The following SLCO3A1 variants were observed in gnomAD, a reference collection of about 807,000 sequenced individuals.
The protein encoded by SLCO3A1 is PGE1 transporter.
A neutral mutation model predicts 63.1 loss-of-function variants in SLCO3A1; 27 were observed. That is an observed-to-expected ratio of 0.43 (90% CI 0.32 to 0.59). SLCO3A1 has a LOEUF of 0.59. SLCO3A1 is among the 20% of genes least tolerant of loss of function. SLCO3A1 has a pLI of 0.09. For synonymous variants in SLCO3A1, 473 were observed against 409.9 expected (o/e 1.15, Z -1.86); for missense variants, 773 against 945.8 (o/e 0.82, Z 2.40).
At position 91,900,814 on chromosome 15, in the gene SLCO3A1, G is replaced by A. The variant is rs1223359214; in HGVS notation, c.181-15179G>A. On this transcript the variant is annotated intron_variant, in intron 1 of 9. Coordinates refer to ENST00000318445, the MANE Select transcript of SLCO3A1 (RefSeq NM_013272.4). This position sits in a 1 kb window ranked among gnomAD's most constrained non-coding sequence, Gnocchi z 4.3. ...TTGCCTATTTTAAATTGAGTTGTTTGTCATTTTACTGTTGATTTGTAAGGT... is the reference window on the plus strand; with the variant it reads ...TTGCCTATTTTAAATTGAGTTGTTTATCATTTTACTGTTGATTTGTAAGGT... Among the ~76,000 whole-genome samples, 1 of 152,132 alleles carries A rather than the reference G, an allele frequency of 6.6e-6. No homozygotes were observed. Among genetic ancestry groups the A allele is most frequent in the African/African-American group, 2.4e-5 (1 of 41,432 alleles).
At chr15:91,980,217 C>T (rs910984460) in intron 2 of SLCO3A1, among the ~76,000 whole-genome samples, 2 of 152,056 alleles carry the variant, frequency 1.3e-5, no homozygotes, top group African/African-American at 4.8e-5. Flanking sequence ...GGAGAGGCCT[C>T]GCTGCCCCGG....
rs1056708971 is a variant in SLCO3A1, at chr15:91,865,415, A to T, written c.180+11327A>T. Among the ~76,000 whole-genome samples, 2 of 152,192 alleles carry T rather than the reference A, an allele frequency of 1.3e-5. No individual in the cohort carries two copies. The highest frequency in any genetic ancestry group is 4.8e-5 in the African/African-American group (2 of 41,446). ...TGGATGAGATGGTAGGCATTTCAGAAGGAAAAAACCAGGTCTATTCATTAA... is the reference window on the plus strand; with the variant it reads ...TGGATGAGATGGTAGGCATTTCAGATGGAAAAAACCAGGTCTATTCATTAA... On this transcript the variant is annotated intron_variant, in intron 1 of 9. Transcript: ENST00000318445. This position sits in a 1 kb window ranked among gnomAD's most constrained non-coding sequence, Gnocchi z 4.6.
intron 2 of SLCO3A1, among the ~76,000 whole-genome samples, chr15:91,972,981 C>T (rs1306084939): frequency 6.6e-6 from 1 of 152,168 alleles, no homozygotes. Context: ...ATCAGCTAAG[C>T]ATGGTGGCAT....
rs574258091 is a variant in SLCO3A1 at position 92,006,342 on chromosome 15, T to C, written c.647-88539T>C. Among the ~76,000 whole-genome samples, 16 of 152,312 alleles carry C rather than the reference T, an allele frequency of 1.1e-4. No individual in the cohort carries two copies. In the South Asian group the frequency reaches 3.3e-3, roughly 32 times the overall value. On this transcript the variant is annotated intron_variant, in intron 2 of 9. Transcript: ENST00000318445. ...AAAGATCCATGACATAAGCTACAGC[T>C]TCTATGAGCGCCAGATTGACCTTTG...
intron 4 of SLCO3A1, among the ~76,000 whole-genome samples, chr15:92,106,543 G>A (rs182923741): frequency 6.6e-6 from 1 of 152,282 alleles, no homozygotes; most frequent in East Asian, 1.9e-4. Context: ...GGCCATGGGC[G>A]ACTACAGTAT....
chr15:91,880,629 G>GT (rs140883497), intron 1 of SLCO3A1, among the ~76,000 whole-genome samples: 88 of 146,772 alleles, frequency 6.0e-4, no homozygotes, highest in African/African-American at 8.5e-4. Context: ...TTTTGAGATT[G>GT]TTTTTTTTTT....
At chr15:92,031,247 T>C (rs2046644899) in intron 2 of SLCO3A1, among the ~76,000 whole-genome samples, 1 of 151,232 alleles carries the variant, frequency 6.6e-6, no homozygotes, top group Admixed American at 6.6e-5. Flanking sequence ...CAGGAGGAGT[T>C]TTTTCAAAGA....
intron 6 of SLCO3A1, among the ~76,000 whole-genome samples, chr15:92,126,595 A>G (rs1027393249): frequency 1.3e-5 from 2 of 152,228 alleles, no homozygotes; most frequent in Non-Finnish European, 2.9e-5. Context: ...AATAAAAGAC[A>G]GAATTGATTT....
chr15:91,861,819 G>A (rs886317932), intron 1 of SLCO3A1, among the ~76,000 whole-genome samples: 1 of 151,466 alleles, frequency 6.6e-6, no homozygotes, highest in Non-Finnish European at 1.5e-5. Context: ...TGGTAGAGAT[G>A]GGGTGTGGGG....
chr15:91,931,788 A>AACAC (rs112525299), intron 2 of SLCO3A1, among the ~76,000 whole-genome samples: 10,957 of 144,118 alleles, frequency 0.076, 473 homozygotes, highest in Non-Finnish European at 0.089. Context: ...TAAGTGTGGA[A>AACAC]ACACACACAC....
chr15:91,998,831 C>T lies in SLCO3A1; in HGVS notation c.646+82373C>T, dbSNP rs568585364. On this transcript the variant is annotated intron_variant, in intron 2 of 9. Transcript: ENST00000318445. Reference sequence around the variant, plus strand: ...AAGAAATTGCTCTACTAAAAAGACACATGTACGTGTATATTCATTGTAGCA... The same window carrying T: ...AAGAAATTGCTCTACTAAAAAGACATATGTACGTGTATATTCATTGTAGCA... 4.1e-4 allele frequency among the ~76,000 whole-genome samples: 62 copies of T among 152,330 alleles called. 1 individual carries two copies. The South Asian group carries it at 8.7e-3, about 21-fold the overall frequency.
chr15:92,144,218 G>C (rs1268063380), intron 7 of SLCO3A1, among the ~76,000 whole-genome samples: 1 of 152,216 alleles, frequency 6.6e-6, no homozygotes, highest in African/African-American at 2.4e-5. Flanking sequence ...AGATTAACAG[G>C]AGGAAAACAA....
At chr15:92,091,836 T>C (rs983507344) in intron 2 of SLCO3A1, among the ~76,000 whole-genome samples, 12 of 152,226 alleles carry the variant, frequency 7.9e-5, no homozygotes, top group Non-Finnish European at 7.3e-5. Flanking sequence ...CCTGTTCCTT[T>C]TTAGCTTATC....
At chr15:91,957,774 TGTA>T (rs1266495027) in intron 2 of SLCO3A1, among the ~76,000 whole-genome samples, 5 of 152,172 alleles carry the variant, frequency 3.3e-5, no homozygotes, top group African/African-American at 1.2e-4. Context: ...CCCCACCAGA[TGTA>T]GTATTAATAC....
At chr15:92,069,741 C>T (rs2047193382) in intron 2 of SLCO3A1, among the ~76,000 whole-genome samples, 1 of 152,186 alleles carries the variant, frequency 6.6e-6, no homozygotes. Flanking sequence ...ACTCCCATCC[C>T]TCACTCGAGC....
chr15:91,881,030 G>T (rs985034975), intron 1 of SLCO3A1, among the ~76,000 whole-genome samples: 7 of 152,282 alleles, frequency 4.6e-5, no homozygotes, highest in Non-Finnish European at 7.4e-5. Context: ...GCTCAGGATG[G>T]GGCTTGGGTG....
At chr15:92,127,314 T>C (rs2047936899) in intron 6 of SLCO3A1, among the ~76,000 whole-genome samples, 1 of 152,172 alleles carries the variant, frequency 6.6e-6, no homozygotes, top group Non-Finnish European at 1.5e-5. Flanking sequence ...GAGCACAAGG[T>C]CTTACTATAA....
chr15:91,983,108 C>T (rs2046007818), intron 2 of SLCO3A1, among the ~76,000 whole-genome samples: 1 of 152,208 alleles, frequency 6.6e-6, no homozygotes, highest in Non-Finnish European at 1.5e-5. Flanking sequence ...AAGTAGCAGT[C>T]ACATTTTAAC....
intron 2 of SLCO3A1, among the ~76,000 whole-genome samples, chr15:92,004,794 T>G (rs2046295531): frequency 6.6e-6 from 1 of 152,228 alleles, no homozygotes; most frequent in Admixed American, 6.5e-5. Context: ...TGGTGGTTTG[T>G]GTAATGTTAA....
Sources: gnomAD v4.1 joint callset for allele counts (sites outside exome capture counted in the v4.1 genomes callset) on GRCh38, gnomAD v4.1.1 for gene constraint, Gnocchi (gnomAD v3.1) non-coding constraint, MANE v1.5 for transcripts, NCBI Gene and HGNC (gene_info 2026-07-23, HGNC 2026-07-21) for gene names.